Variants in PRKN observed in about 807,000 individuals in gnomAD.
PRKN encodes the protein E3 ubiquitin-protein ligase parkin.
Under a neutral mutation model 59.5 loss-of-function variants are expected in PRKN, and 56 were observed. The observed-to-expected ratio is 0.94, with a 90% confidence interval of 0.76 to 1.18. The LOEUF is 1.18. PRKN is among the 50% of genes most tolerant of loss of function. The probability of loss-of-function intolerance (pLI) is 0.00; values close to 1 mark genes in which losing one functional copy is unlikely to be tolerated. For synonymous variants in PRKN, 250 were observed against 222.1 expected (o/e 1.13, Z -1.12); for missense variants, 657 against 596.4 (o/e 1.10, Z -1.06).
intron 7 of PRKN, among the ~76,000 whole-genome samples, chr6:161,770,382 T>C (rs1368712327): frequency 6.6e-6 from 1 of 152,034 alleles, no homozygotes; most frequent in Non-Finnish European, 1.5e-5. Flanking sequence ...ATAAAATGTG[T>C]ACCCCCAAAT....
At chr6:161,610,403 C>T (rs1192432323) in intron 7 of PRKN, among the ~76,000 whole-genome samples, 3 of 151,420 alleles carry the variant, frequency 2.0e-5, no homozygotes, top group Admixed American at 6.6e-5. Context: ...GCAGGTATTT[C>T]GTTGGTTGAT....
At chr6:161,741,793 G>A (rs536009555) in intron 7 of PRKN, among the ~76,000 whole-genome samples, 1 of 152,180 alleles carries the variant, frequency 6.6e-6, no homozygotes, top group South Asian at 2.1e-4. Flanking sequence ...ATGTGATATG[G>A]TTTGGCTGTG....
chr6:161,789,822 T>C lies in PRKN; in HGVS notation c.735-3914A>G, dbSNP rs1175989767. Among the ~76,000 whole-genome samples the C allele has an allele frequency of 3.3e-5, 5 of 152,320 alleles. No individual in the cohort carries two copies. In the South Asian group the frequency reaches 8.3e-4, roughly 25 times the overall value. On this transcript the variant is annotated intron_variant, in intron 6 of 11. Transcript: ENST00000366898. ...ACCTGATCGTTTTGTAATCAAGAGT[T>C]ATTGATTATTCTAGTGGATAAATGA... is the stretch of plus-strand genomic sequence containing the variant.
chr6:161,369,601 A>G lies in PRKN; in HGVS notation c.1168-9396T>C, dbSNP rs1209685417. Among the ~76,000 whole-genome samples, 1 of 152,160 alleles carries G rather than the reference A, an allele frequency of 6.6e-6. No homozygotes were observed. On this transcript the variant is annotated intron_variant, in intron 10 of 11. Transcript: ENST00000366898. This position sits in a 1 kb window ranked among gnomAD's most constrained non-coding sequence, Gnocchi z 5.8. ...GGCAGTGTAACTGTTAGGTAATTGC[A>G]TAGAATTCTGTGCCTGTCTACTGCT...
chr6:161,907,675 G>A (rs887508828), intron 6 of PRKN, among the ~76,000 whole-genome samples: 13 of 152,280 alleles, frequency 8.5e-5, no homozygotes, highest in South Asian at 2.1e-4. Context: ...GACGTAAGAC[G>A]TGAGCCAGGA....
chr6:162,357,572 T>C (rs1057241593), intron 2 of PRKN, among the ~76,000 whole-genome samples: 2 of 152,166 alleles, frequency 1.3e-5, no homozygotes, highest in Non-Finnish European at 2.9e-5. Context: ...GTTTGGAAGA[T>C]AGTTTGGCAG....
chr6:161,469,652 TC>T (rs1387056214), intron 9 of PRKN, among the ~76,000 whole-genome samples: 1 of 151,898 alleles, frequency 6.6e-6, no homozygotes, highest in East Asian at 1.9e-4. Flanking sequence ...GGAAGGGACC[TC>T]AAGCCAAGGA....
chr6:162,299,240 G>A (rs1478020225), intron 2 of PRKN, among the ~76,000 whole-genome samples: 1 of 152,140 alleles, frequency 6.6e-6, no homozygotes, highest in Non-Finnish European at 1.5e-5. Flanking sequence ...CCCATGACAC[G>A]GCTCACTGTG....
At chr6:162,216,148 T>A (rs976017369) in intron 3 of PRKN, among the ~76,000 whole-genome samples, 1 of 152,128 alleles carries the variant, frequency 6.6e-6, no homozygotes, top group Non-Finnish European at 1.5e-5. Flanking sequence ...GGAAACACTA[T>A]CATTGTCTGA....
chr6:161,731,132 T>A (rs1367143503), intron 7 of PRKN, among the ~76,000 whole-genome samples: 1 of 152,266 alleles, frequency 6.6e-6, no homozygotes, highest in Non-Finnish European at 1.5e-5. Context: ...TGTATTCTGA[T>A]GTGTTGAATC....
At chr6:162,076,199 C>T (rs1778820985) in intron 4 of PRKN, among the ~76,000 whole-genome samples, 1 of 152,012 alleles carries the variant, frequency 6.6e-6, no homozygotes, top group African/African-American at 2.4e-5. Context: ...GAACTCCTGA[C>T]CTCAAGTGAT....
At chr6:161,567,481 G>A (rs9456684) in intron 8 of PRKN, among the ~76,000 whole-genome samples, 74,297 of 151,816 alleles carry the variant, frequency 0.49, 18,475 homozygotes, top group East Asian at 0.71. Flanking sequence ...CTCTATCCCT[G>A]TAACCTAGGA....
At chr6:162,425,167 G>A (rs1230489810) in intron 2 of PRKN, among the ~76,000 whole-genome samples, 8 of 151,838 alleles carry the variant, frequency 5.3e-5, no homozygotes, top group Admixed American at 5.3e-4. Flanking sequence ...CTCTTCCTTC[G>A]ACAAAAGGTT....
intron 1 of PRKN, among the ~76,000 whole-genome samples, chr6:162,581,880 T>G (rs1780806530): frequency 6.6e-6 from 1 of 152,192 alleles, no homozygotes; most frequent in South Asian, 2.1e-4. Context: ...TGGAATATAG[T>G]TATGAGAAGG....
intron 2 of PRKN, among the ~76,000 whole-genome samples, chr6:162,427,654 C>CTTT (rs543234365): frequency 7.0e-6 from 1 of 142,088 alleles, no homozygotes; most frequent in African/African-American, 2.6e-5. Context: ...GTTTTTTTTT[C>CTTT]TTTTTTTTTT....
At chr6:161,647,817 A>G (rs988041652) in intron 7 of PRKN, among the ~76,000 whole-genome samples, 2 of 150,182 alleles carry the variant, frequency 1.3e-5, no homozygotes, top group African/African-American at 5.0e-5. Context: ...GAAAAGAATC[A>G]TGTTTTAATT....
intron 1 of PRKN, among the ~76,000 whole-genome samples, chr6:162,535,851 T>C (rs1778693884): frequency 6.7e-6 from 1 of 149,614 alleles, no homozygotes; most frequent in Non-Finnish European, 1.5e-5. Flanking sequence ...GAGGTTGCAA[T>C]GAACCAAGAT....
At chr6:161,921,251 TATATTG>T (rs1244589575) in intron 6 of PRKN, among the ~76,000 whole-genome samples, 1 of 152,122 alleles carries the variant, frequency 6.6e-6, no homozygotes, top group Non-Finnish European at 1.5e-5. Context: ...TCCACCCCCA[TATATTG>T]TCCCACTGGA....
intron 7 of PRKN, among the ~76,000 whole-genome samples, chr6:161,631,391 A>G (rs1226951478): frequency 2.6e-5 from 4 of 152,236 alleles, no homozygotes; most frequent in Non-Finnish European, 5.9e-5. Context: ...CAAGTAGCTC[A>G]GTCAGACTGG....
Sources: gnomAD v4.1 joint callset for allele counts (sites outside exome capture counted in the v4.1 genomes callset) on GRCh38, gnomAD v4.1.1 for gene constraint, Gnocchi (gnomAD v3.1) non-coding constraint, MANE v1.5 for transcripts, NCBI Gene and HGNC (gene_info 2026-07-23, HGNC 2026-07-21) for gene names.